SAXO1: variants seen among roughly 807,000 people sequenced by gnomAD.
The protein encoded by SAXO1 is stabilizer of axonemal microtubules 1.
A neutral mutation model predicts 17.5 loss-of-function variants in SAXO1; 21 were observed. That is an observed-to-expected ratio of 1.20 (90% confidence interval 0.85 to 1.72). The LOEUF is 1.72. Among genes scored for constraint, SAXO1 ranks in the 40% most tolerant of loss-of-function variants. SAXO1 has a pLI of 0.00. For synonymous variants in SAXO1, 274 were observed against 216.5 expected, an observed-to-expected ratio of 1.27 and a Z score of -2.33; for missense variants, 843 against 596.0, an observed-to-expected ratio of 1.41 and a Z score of -4.32.
intron 1 of SAXO1, chr9:19,027,744 G>A (rs561303632): frequency 4.1e-6 from 6 of 1,471,524 alleles, no homozygotes; most frequent in Middle Eastern, 1.8e-4. Flanking sequence ...TCCGGGGACC[G>A]AGAGGTGCAG....
intron 3 of SAXO1, among the ~76,000 whole-genome samples, chr9:18,933,906 C>T (rs924243471): frequency 5.3e-5 from 8 of 152,046 alleles, no homozygotes; most frequent in East Asian, 1.9e-4. Context: ...ATTAGCCAGG[C>T]GTAGTGGCGG....
chr9:18,961,840 T>C (rs902490179), intron 1 of SAXO1, among the ~76,000 whole-genome samples: 4 of 152,140 alleles, frequency 2.6e-5, no homozygotes, highest in African/African-American at 9.7e-5. Context: ...TACCTATCCT[T>C]TGGTTATATA....
chr9:19,003,627 A>G (rs1834370222), intron 1 of SAXO1, among the ~76,000 whole-genome samples: 1 of 152,240 alleles, frequency 6.6e-6, no homozygotes, highest in Non-Finnish European at 1.5e-5. Context: ...AAACCTGACA[A>G]AAATAAGCAA....
At chr9:18,978,143 A>T (rs1263898942) in intron 1 of SAXO1, among the ~76,000 whole-genome samples, 1 of 152,148 alleles carries the variant, frequency 6.6e-6, no homozygotes, top group Non-Finnish European at 1.5e-5. Context: ...TATGTACTCA[A>T]CTACCAGCTC....
At chr9:19,020,915 C>T (rs950232431) in intron 1 of SAXO1, among the ~76,000 whole-genome samples, 4 of 152,202 alleles carry the variant, frequency 2.6e-5, no homozygotes, top group African/African-American at 7.2e-5. Flanking sequence ...GTTCAATGAC[C>T]TGGGAATCCA....
Position 18,935,158 on chromosome 9 carries a change from C to T in SAXO1, c.422-6103G>A, listed in dbSNP as rs534807785. Among the ~76,000 whole-genome samples the T allele has an allele frequency of 3.3e-5, 5 of 152,246 alleles. No homozygotes were observed. In the South Asian group the frequency reaches 8.3e-4, roughly 25 times the overall value. On this transcript the variant is annotated intron_variant, in intron 3 of 3. Transcript: ENST00000380534. Reference sequence around the variant, plus strand: ...CAAAACCTCCTGACCCCATGATCTGCGCACCTGGGCCTCGCAAAGTGCTAG... The same window carrying T: ...CAAAACCTCCTGACCCCATGATCTGTGCACCTGGGCCTCGCAAAGTGCTAG...
At chr9:19,041,087 A>T (rs4367642) in intron 1 of SAXO1, among the ~76,000 whole-genome samples, 126,250 of 149,596 alleles carry the variant, frequency 0.84, 53,575 homozygotes, top group African/African-American at 0.93. Flanking sequence ...ATCAACAAAT[A>T]CAGTAACATT....
At chr9:18,938,810 A>G (rs1173927206) in intron 3 of SAXO1, among the ~76,000 whole-genome samples, 28 of 107,992 alleles carry the variant, frequency 2.6e-4, no homozygotes, top group African/African-American at 8.8e-4. Flanking sequence ...GGTGGGGTGC[A>G]TGCGTGCGTG....
At chr9:18,952,343 G>C (rs1430428148) in intron 1 of SAXO1, among the ~76,000 whole-genome samples, 2 of 152,192 alleles carry the variant, frequency 1.3e-5, no homozygotes, top group Non-Finnish European at 2.9e-5. Flanking sequence ...AAGTACATGG[G>C]GGAAGGGAGA....
intron 1 of SAXO1, among the ~76,000 whole-genome samples, chr9:19,024,022 T>TC (rs1474507987): frequency 7.2e-6 from 1 of 138,844 alleles, no homozygotes; most frequent in Non-Finnish European, 1.5e-5. Context: ...CTTTTTTTTT[T>TC]TTTTTTTTTT....
chr9:18,929,199 C>G, intron 3 of SAXO1, 144 bp from the exon 4 acceptor site: 1 of 933,368 alleles, frequency 1.1e-6, no homozygotes, highest in Non-Finnish European at 1.6e-6. Flanking sequence ...CCTGCTACCA[C>G]TTCATTCAAA....
intron 1 of SAXO1, among the ~76,000 whole-genome samples, chr9:18,964,365 C>T (rs532116248): frequency 6.6e-6 from 1 of 152,212 alleles, no homozygotes; most frequent in South Asian, 2.1e-4. Context: ...CCTTTTTGTA[C>T]CTCTGGTAGA....
intron 1 of SAXO1, among the ~76,000 whole-genome samples, chr9:19,012,007 G>T (rs78992647): frequency 0.018 from 2,745 of 151,998 alleles, 81 homozygotes; most frequent in African/African-American, 0.061. Context: ...CACCATGCCC[G>T]GCCAATTTTT....
At chr9:18,983,276 T>A (rs1454910675) in intron 1 of SAXO1, among the ~76,000 whole-genome samples, 2 of 152,098 alleles carry the variant, frequency 1.3e-5, no homozygotes, top group African/African-American at 4.8e-5. Context: ...ATGTCTTACA[T>A]GGCAGCAGGA....
chr9:18,935,809 G>A (rs982314128), intron 3 of SAXO1, among the ~76,000 whole-genome samples: 1 of 152,070 alleles, frequency 6.6e-6, no homozygotes, highest in African/African-American at 2.4e-5. Flanking sequence ...TGTTTTTATT[G>A]AAACTCCTGG....
chr9:19,022,768 G>A (rs1014707534), intron 1 of SAXO1, among the ~76,000 whole-genome samples: 1 of 152,164 alleles, frequency 6.6e-6, no homozygotes, highest in South Asian at 2.1e-4. Context: ...ATTTTGCTTA[G>A]CAGCTAATTT....
At chr9:18,968,995 T>TGTG (rs978021090) in intron 1 of SAXO1, among the ~76,000 whole-genome samples, 23 of 151,274 alleles carry the variant, frequency 1.5e-4, no homozygotes, top group Non-Finnish European at 2.6e-4. Flanking sequence ...ATGAACCCAG[T>TGTG]GTGGCAAAAC....
intron 1 of SAXO1, among the ~76,000 whole-genome samples, chr9:18,962,690 A>T (rs1230313024): frequency 6.8e-6 from 1 of 147,810 alleles, no homozygotes; most frequent in Admixed American, 6.7e-5. Flanking sequence ...TTCCTTGTAG[A>T]TTCTGGGTAT....
intron 1 of SAXO1, among the ~76,000 whole-genome samples, chr9:19,017,627 C>T (rs1835039785): frequency 6.6e-6 from 1 of 152,244 alleles, no homozygotes; most frequent in African/African-American, 2.4e-5. Flanking sequence ...CACACTTCTG[C>T]AAACTGCCCC....
Sources: allele counts gnomAD v4.1 joint callset (sites outside exome capture counted in the v4.1 genomes callset), GRCh38; gene constraint gnomAD v4.1.1; transcripts MANE v1.5; gene names NCBI Gene and HGNC (gene_info 2026-07-23, HGNC 2026-07-21).